The following NR6A1 variants were observed in gnomAD, a reference collection of about 807,000 sequenced individuals.
NR6A1 encodes retinoic acid receptor-related testis-associated receptor.
In NR6A1, 7 loss-of-function variants were observed where a neutral mutation model predicts 59.1. That is an observed-to-expected ratio of 0.12 (90% confidence interval 0.07 to 0.22). The LOEUF (loss-of-function observed/expected upper bound fraction) is 0.22. NR6A1 is among the 10% of genes least tolerant of loss of function. NR6A1 has a pLI of 1.00. For missense variants in NR6A1, 468 were observed against 611.6 expected (o/e 0.77, Z 2.48); for synonymous variants, 243 against 236.1 (o/e 1.03, Z -0.27).
chr9:124,562,337 A>G (rs540055117), intron 2 of NR6A1, among the ~76,000 whole-genome samples: 2 of 152,332 alleles, frequency 1.3e-5, no homozygotes, highest in South Asian at 4.1e-4. Flanking sequence ...TGGTTACCAT[A>G]ACTAAACACA....
chr9:124,712,514 A>C (rs1373528458), intron 2 of NR6A1, among the ~76,000 whole-genome samples: 1 of 152,010 alleles, frequency 6.6e-6, no homozygotes, highest in African/African-American at 2.4e-5. Flanking sequence ...AGGCTAAGGC[A>C]CAAGAATCGC....
intron 2 of NR6A1, among the ~76,000 whole-genome samples, chr9:124,642,916 G>T (rs1481966138): frequency 1.3e-5 from 2 of 152,104 alleles, no homozygotes; most frequent in Non-Finnish European, 2.9e-5. Flanking sequence ...AGAACCAGAG[G>T]GTCAGGTGGA....
At chr9:124,624,909 CTTG>C (rs1401434996) in intron 2 of NR6A1, among the ~76,000 whole-genome samples, 61 of 112,654 alleles carry the variant, frequency 5.4e-4, no homozygotes, top group African/African-American at 1.9e-3. Flanking sequence ...CTGTTGCTAG[CTTG>C]TTTTTTTTTT....
chr9:124,578,367 T>C (rs1834667980), intron 2 of NR6A1, among the ~76,000 whole-genome samples: 1 of 152,208 alleles, frequency 6.6e-6, no homozygotes, highest in Non-Finnish European at 1.5e-5. Context: ...CAAACGGAAC[T>C]CTAGATTCTA....
In NR6A1 at chr9:124,771,271, G is replaced by C. The variant is rs917388762; in HGVS notation, c.-152C>G. 7.2e-5 allele frequency: 29 copies of C among 401,084 alleles called. No individual in the cohort carries two copies. Among genetic ancestry groups the C allele is most frequent in the Non-Finnish European group, 1.0e-4 (24 of 230,814 alleles). 24.8% of individuals were successfully genotyped at this position (401,084 alleles called of 1,614,324 possible). On this transcript the variant is annotated 5_prime_UTR_variant, in exon 1 of 10. Coordinates refer to ENST00000487099, the MANE Select transcript of NR6A1 (RefSeq NM_033334.4). ...TCTGGGCCCCGAGCCGCCCGGCTCCGCGCCGCTCCGCGCCCCTCCGCGCCG... is the reference window on the plus strand; with the variant it reads ...TCTGGGCCCCGAGCCGCCCGGCTCCCCGCCGCTCCGCGCCCCTCCGCGCCG...
chr9:124,701,108 C>T (rs1838937288), intron 2 of NR6A1, among the ~76,000 whole-genome samples: 1 of 152,124 alleles, frequency 6.6e-6, no homozygotes, highest in Non-Finnish European at 1.5e-5. Flanking sequence ...TCTTGGATAT[C>T]CAGGAGTGGA....
At chr9:124,728,512 G>A (rs1839791424) in intron 2 of NR6A1, among the ~76,000 whole-genome samples, 1 of 151,954 alleles carries the variant, frequency 6.6e-6, no homozygotes, top group South Asian at 2.1e-4. Context: ...GCAGGCGCCT[G>A]TAATCCCAGC....
At chr9:124,551,477 T>C (rs985758288) in intron 3 of NR6A1, among the ~76,000 whole-genome samples, 1 of 152,224 alleles carries the variant, frequency 6.6e-6, no homozygotes, top group Non-Finnish European at 1.5e-5. Flanking sequence ...TTCTACTCTA[T>C]TATACAAATG....
At chr9:124,756,894 G>A (rs1442625980) in intron 1 of NR6A1, among the ~76,000 whole-genome samples, 2 of 151,726 alleles carry the variant, frequency 1.3e-5, no homozygotes, top group South Asian at 2.1e-4. Context: ...ATAAGAATTC[G>A]AAGGTAGCCT....
intron 2 of NR6A1, among the ~76,000 whole-genome samples, chr9:124,580,379 AGCAGTCAG>A (rs1276847667): frequency 6.6e-6 from 1 of 152,228 alleles, no homozygotes; most frequent in Non-Finnish European, 1.5e-5. Context: ...GCTGTGGGTT[AGCAGTCAG>A]CTGAGGGTAT....
chr9:124,566,105 T>C (rs1588671437), intron 2 of NR6A1, among the ~76,000 whole-genome samples: 1 of 152,374 alleles, frequency 6.6e-6, no homozygotes, highest in East Asian at 1.9e-4. Context: ...AATGAAATAC[T>C]ATACAACAGT....
chr9:124,724,710 A>G (rs1396163558), intron 2 of NR6A1, among the ~76,000 whole-genome samples: 7 of 152,336 alleles, frequency 4.6e-5, no homozygotes, highest in Middle Eastern at 6.8e-3. Context: ...GAAATAGATA[A>G]TAAGAGACAA....
chr9:124,544,084 C>T (rs1279642846), intron 3 of NR6A1, among the ~76,000 whole-genome samples: 1 of 152,252 alleles, frequency 6.6e-6, no homozygotes, highest in Non-Finnish European at 1.5e-5. Context: ...ATACTACACA[C>T]ACTGTATACA....
chr9:124,657,956 T>C (rs1238102017), intron 2 of NR6A1, among the ~76,000 whole-genome samples: 1 of 152,206 alleles, frequency 6.6e-6, no homozygotes, highest in East Asian at 1.9e-4. Flanking sequence ...ATTTTTACCT[T>C]ATCAAACCTA....
At chr9:124,690,526 A>G (rs545399686) in intron 2 of NR6A1, among the ~76,000 whole-genome samples, 1 of 152,186 alleles carries the variant, frequency 6.6e-6, no homozygotes, top group East Asian at 1.9e-4. Context: ...TTGGCTTGTT[A>G]AATGTCAGCC....
At chr9:124,661,010 C>A (rs1006043431) in intron 2 of NR6A1, among the ~76,000 whole-genome samples, 5 of 152,138 alleles carry the variant, frequency 3.3e-5, no homozygotes, top group Non-Finnish European at 5.9e-5. Flanking sequence ...ACATTAATTT[C>A]TCTCCAAAAT....
intron 3 of NR6A1, among the ~76,000 whole-genome samples, chr9:124,544,161 A>G (rs560163105): frequency 1.3e-5 from 2 of 152,366 alleles, no homozygotes; most frequent in South Asian, 4.1e-4. Flanking sequence ...TCCTGCCAGG[A>G]TGATGCATCT....
At chr9:124,707,074 C>A (rs1384663040) in intron 2 of NR6A1, among the ~76,000 whole-genome samples, 1 of 152,056 alleles carries the variant, frequency 6.6e-6, no homozygotes, top group East Asian at 1.9e-4. Flanking sequence ...AAAGTTTTTG[C>A]CATTATTTCT....
intron 1 of NR6A1, among the ~76,000 whole-genome samples, chr9:124,738,483 A>G (rs566585342): frequency 7.2e-5 from 11 of 152,316 alleles, no homozygotes. Flanking sequence ...TGATATCACC[A>G]AGTCAGTGTG....
Sources: gnomAD v4.1 joint callset for allele counts (sites outside exome capture counted in the v4.1 genomes callset) on GRCh38, gnomAD v4.1.1 for gene constraint, MANE v1.5 for transcripts, NCBI Gene and HGNC (gene_info 2026-07-23, HGNC 2026-07-21) for gene names.